The following CFAP54 variants were observed in gnomAD, a reference collection of about 807,000 sequenced individuals.
CFAP54 encodes the protein cilia and flagella associated protein 54.
Under a neutral mutation model 370.4 loss-of-function variants are expected in CFAP54, and 290 were observed. The observed-to-expected ratio is 0.78, with a 90% CI of 0.71 to 0.86. The LOEUF is 0.86. Among genes scored for constraint, CFAP54 ranks in the 40% least tolerant of loss-of-function variants. CFAP54 has a pLI of 0.00. For missense variants in CFAP54, 3,399 were observed against 3,528.7 expected, an observed-to-expected ratio of 0.96 and a Z score of 0.93; for synonymous variants, 1,206 against 1,236.5, an observed-to-expected ratio of 0.98 and a Z score of 0.52.
At chr12:96,725,011 C>T (rs1395084122) in intron 50 of CFAP54, among the ~76,000 whole-genome samples, 1 of 152,090 alleles carries the variant, frequency 6.6e-6, no homozygotes, top group East Asian at 1.9e-4. Context: ...TTTCTGAGGG[C>T]TCTGTTCTGT....
intron 50 of CFAP54, among the ~76,000 whole-genome samples, chr12:96,721,855 A>T (rs138645770): frequency 6.6e-5 from 10 of 152,298 alleles, no homozygotes; most frequent in African/African-American, 2.4e-4. Context: ...AGTAAATTAC[A>T]GAGTGTGGGC....
intron 32 of CFAP54, among the ~76,000 whole-genome samples, chr12:96,637,184 G>C (rs1956671990): frequency 6.6e-6 from 1 of 152,034 alleles, no homozygotes; most frequent in Non-Finnish European, 1.5e-5. Context: ...CTTTCACTTA[G>C]CATCGTGTTT....
At chr12:96,515,068 C>T (rs969462471) in intron 5 of CFAP54, among the ~76,000 whole-genome samples, 5 of 147,912 alleles carry the variant, frequency 3.4e-5, no homozygotes, top group African/African-American at 1.0e-4. Flanking sequence ...GGTGCAGTGG[C>T]GCCGTCTTAG....
chr12:96,509,700 C>T lies in CFAP54; in HGVS notation c.739+2601C>T, dbSNP rs146338626. On this transcript the variant is annotated intron_variant, in intron 4 of 67. Transcript: ENST00000524981. ...GTGTGGTGGTGCATGCCTGTAATCC[C>T]AGTTACTCAGGAGGCTGAGGCAGGA... is the stretch of plus-strand genomic sequence containing the variant. Among the ~76,000 whole-genome samples, 671 of 151,788 alleles carry T rather than the reference C, an allele frequency of 4.4e-3. 6 individuals are homozygous for T. Among genetic ancestry groups the T allele is most frequent in the African/African-American group, 0.015 (625 of 41,316 alleles).
intron 26 of CFAP54, among the ~76,000 whole-genome samples, chr12:96,599,536 A>G (rs1024522800): frequency 3.3e-4 from 50 of 152,202 alleles, no homozygotes; most frequent in African/African-American, 1.1e-3. Context: ...TAATGGGATC[A>G]CTGGGTCAAA....
chr12:96,570,498 T>C (rs577351577), intron 19 of CFAP54, among the ~76,000 whole-genome samples: 1 of 152,276 alleles, frequency 6.6e-6, no homozygotes, highest in East Asian at 1.9e-4. Context: ...CAGGTTGCCT[T>C]TCCAAACTTC....
At chr12:96,654,751 C>T (rs1042390852) in intron 36 of CFAP54, among the ~76,000 whole-genome samples, 21 of 151,660 alleles carry the variant, frequency 1.4e-4, no homozygotes, top group Admixed American at 6.6e-5. Flanking sequence ...TGTTAACCTC[C>T]ATATGTTCAC....
chr12:96,859,372 C>T (rs1260571195), intron 66 of CFAP54, among the ~76,000 whole-genome samples: 4 of 151,634 alleles, frequency 2.6e-5, no homozygotes, highest in Non-Finnish European at 5.9e-5. Flanking sequence ...ACAAGCAGTC[C>T]TACTCCAGAA....
intron 67 of CFAP54, among the ~76,000 whole-genome samples, chr12:96,870,932 T>C (rs1188189615): frequency 2.0e-5 from 3 of 152,182 alleles, no homozygotes; most frequent in Non-Finnish European, 4.4e-5. Context: ...AAACAGCCTA[T>C]TCTCTGAGGA....
intron 39 of CFAP54, among the ~76,000 whole-genome samples, chr12:96,665,660 T>C (rs1957072226): frequency 6.6e-6 from 1 of 152,216 alleles, no homozygotes; most frequent in Non-Finnish European, 1.5e-5. Flanking sequence ...AGCTCTCTAT[T>C]CTGTTCCACT....
intron 46 of CFAP54, among the ~76,000 whole-genome samples, chr12:96,701,766 G>A (rs982696744): frequency 8.6e-5 from 13 of 151,884 alleles, no homozygotes; most frequent in African/African-American, 3.2e-4. Context: ...AAGTGAGGCT[G>A]CAATGAGGAG....
At chr12:96,656,747 T>C (rs1208092125) in intron 36 of CFAP54, among the ~76,000 whole-genome samples, 1 of 152,238 alleles carries the variant, frequency 6.6e-6, no homozygotes, top group African/African-American at 2.4e-5. Flanking sequence ...TCCCTGTCCT[T>C]CATCCCAGAA....
chr12:96,705,431 T>C (rs969619025), intron 47 of CFAP54, among the ~76,000 whole-genome samples: 12 of 152,100 alleles, frequency 7.9e-5, no homozygotes, highest in Non-Finnish European at 1.6e-4. Context: ...GTTTTTTTTT[T>C]CCTAAAAATT....
chr12:96,778,215 A>G (rs1333307238), intron 60 of CFAP54, among the ~76,000 whole-genome samples: 1 of 152,202 alleles, frequency 6.6e-6, no homozygotes, highest in East Asian at 1.9e-4. Context: ...GATTACTGCA[A>G]ATGGAATATT....
At chr12:96,619,323 G>A (rs995935285) in intron 26 of CFAP54, among the ~76,000 whole-genome samples, 1 of 152,168 alleles carries the variant, frequency 6.6e-6, no homozygotes, top group Non-Finnish European at 1.5e-5. Context: ...CTGAATCCCA[G>A]ATTTCAGGTG....
At chr12:96,800,415 G>C (rs545664192) in intron 63 of CFAP54, among the ~76,000 whole-genome samples, 7 of 152,288 alleles carry the variant, frequency 4.6e-5, no homozygotes, top group African/African-American at 1.4e-4. Context: ...CTAGTCACAA[G>C]AAAAGATGCA....
intron 3 of CFAP54, among the ~76,000 whole-genome samples, chr12:96,506,337 CAAAAAAAAA>C (rs10709188): frequency 1.1e-5 from 1 of 94,434 alleles, no homozygotes; most frequent in African/African-American, 4.0e-5. Flanking sequence ...GACTCCGTCT[CAAAAAAAAA>C]AAAAAAAAAT....
intron 13 of CFAP54, among the ~76,000 whole-genome samples, chr12:96,540,416 G>C (rs1182932546): frequency 6.6e-6 from 1 of 152,030 alleles, no homozygotes; most frequent in Non-Finnish European, 1.5e-5. Context: ...GACAATCTAA[G>C]TCACCTGATA....
intron 55 of CFAP54, among the ~76,000 whole-genome samples, chr12:96,745,662 G>A (rs1282994965): frequency 6.6e-6 from 1 of 152,046 alleles, no homozygotes; most frequent in African/African-American, 2.4e-5. Flanking sequence ...TTGCTGTGCG[G>A]AAGCTCTTTA....
Sources: allele counts gnomAD v4.1 joint callset (sites outside exome capture counted in the v4.1 genomes callset), GRCh38; gene constraint gnomAD v4.1.1; transcripts MANE v1.5; gene names NCBI Gene and HGNC (gene_info 2026-07-23, HGNC 2026-07-21).